The following LINGO2 variants were observed in gnomAD, a reference collection of about 807,000 sequenced individuals.
LINGO2 encodes the protein leucine-rich repeat and immunoglobulin-like domain-containing nogo receptor-interacting protein 2.
In LINGO2, 14 loss-of-function variants were observed where a neutral mutation model predicts 30.6. The observed-to-expected ratio is 0.46, with a 90% CI of 0.30 to 0.72. LINGO2 has a LOEUF of 0.72. Ranked by LOEUF, LINGO2 falls within the 30% of genes least tolerant of loss-of-function variation. The pLI is 0.07. For missense variants in LINGO2, 729 were observed against 751.7 expected (o/e 0.97, Z 0.35); for synonymous variants, 317 against 288.5 (o/e 1.10, Z -1.00).
At chr9:29,072,806 T>C in the LINGO2 span, among the ~76,000 whole-genome samples, 1 of 151,872 alleles carries the variant, frequency 6.6e-6, no homozygotes, top group Non-Finnish European at 1.5e-5. Context: ...ATAGAGCTTT[T>C]GAAATGTCGC....
chr9:29,134,818 T>C, the LINGO2 span, among the ~76,000 whole-genome samples: 3 of 152,056 alleles, frequency 2.0e-5, no homozygotes, highest in African/African-American at 7.2e-5. Context: ...AATTCATATA[T>C]ATATCCTTGA....
chr9:28,011,372 C>A (rs1347810457), intron 5 of LINGO2, among the ~76,000 whole-genome samples: 4 of 152,182 alleles, frequency 2.6e-5, no homozygotes, highest in Non-Finnish European at 4.4e-5. Flanking sequence ...GTACATCATT[C>A]TGCATTAGGA....
At chr9:28,236,124 C>T (rs763670763) in intron 4 of LINGO2, among the ~76,000 whole-genome samples, 2 of 152,114 alleles carry the variant, frequency 1.3e-5, no homozygotes, top group Non-Finnish European at 2.9e-5. Context: ...CACTCCAGTA[C>T]ATCTGGCAGC....
chr9:28,486,175 C>G (rs1056012692), intron 1 of LINGO2, among the ~76,000 whole-genome samples: 3 of 152,138 alleles, frequency 2.0e-5, no homozygotes, highest in Non-Finnish European at 2.9e-5. Context: ...GTCCAGACTA[C>G]TGAGTGTTGT....
the LINGO2 span, among the ~76,000 whole-genome samples, chr9:28,884,856 CA>C: frequency 0.078 from 10,658 of 136,916 alleles, 458 homozygotes; most frequent in East Asian, 0.12. Flanking sequence ...TACATATATA[CA>C]CTATATATAC....
the LINGO2 span, among the ~76,000 whole-genome samples, chr9:28,795,287 A>T: frequency 2.0e-5 from 3 of 152,224 alleles, no homozygotes; most frequent in Non-Finnish European, 4.4e-5. Flanking sequence ...AATTGGATTC[A>T]GTTGAATTAA....
the LINGO2 span, among the ~76,000 whole-genome samples, chr9:28,815,476 T>C: frequency 6.6e-6 from 1 of 152,172 alleles, no homozygotes; most frequent in African/African-American, 2.4e-5. Context: ...TCTTTCTGGC[T>C]TCTGATTGAA....
the LINGO2 span, among the ~76,000 whole-genome samples, chr9:28,824,214 C>G: frequency 6.6e-6 from 1 of 152,090 alleles, no homozygotes; most frequent in African/African-American, 2.4e-5. Context: ...AGGGGGAGAA[C>G]TTAAGGCAAA....
chr9:28,833,802 G>A, the LINGO2 span, among the ~76,000 whole-genome samples: 951 of 152,206 alleles, frequency 6.2e-3, 10 homozygotes, highest in African/African-American at 0.022. Flanking sequence ...TAAGACAAGG[G>A]TACTGATAAG....
At chr9:28,520,410 C>T (rs12003103) in intron 1 of LINGO2, among the ~76,000 whole-genome samples, 2,382 of 152,082 alleles carry the variant, frequency 0.016, 64 homozygotes, top group African/African-American at 0.054. Flanking sequence ...CATTTAATAT[C>T]CATTTATTAC....
At chr9:28,344,734 G>C (rs1419641342) in intron 3 of LINGO2, among the ~76,000 whole-genome samples, 1 of 151,992 alleles carries the variant, frequency 6.6e-6, no homozygotes, top group African/African-American at 2.4e-5. Flanking sequence ...ATATTTGTTT[G>C]AACACAGATG....
chr9:28,684,175 CTTTTTTTTTTTTT>C, the LINGO2 span, among the ~76,000 whole-genome samples: 26 of 45,430 alleles, frequency 5.7e-4, 1 homozygote, highest in African/African-American at 7.9e-4. Context: ...AAATGTTTAT[CTTTTTTTTTTTTT>C]TTTTTTTTTT....
chr9:28,956,050 T>TAA, the LINGO2 span, among the ~76,000 whole-genome samples: 1 of 151,468 alleles, frequency 6.6e-6, no homozygotes, highest in African/African-American at 2.4e-5. Context: ...GGAAACAGGT[T>TAA]AAAAAAAAAT....
At chr9:28,058,624 A>G (rs147000680) in intron 4 of LINGO2, among the ~76,000 whole-genome samples, 2 of 152,282 alleles carry the variant, frequency 1.3e-5, no homozygotes, top group Non-Finnish European at 2.9e-5. Flanking sequence ...ACCAATGAAC[A>G]AGAAAATTAA....
chr9:28,314,025 G>A (rs74839773), intron 3 of LINGO2, among the ~76,000 whole-genome samples: 9,050 of 151,848 alleles, frequency 0.06, 337 homozygotes, highest in South Asian at 0.14. Context: ...GCTCCACCCC[G>A]CGGGGTTCCC....
chr9:28,986,838 A>C, the LINGO2 span, among the ~76,000 whole-genome samples: 5 of 152,160 alleles, frequency 3.3e-5, no homozygotes, highest in African/African-American at 1.2e-4. Context: ...TACTGAAAGT[A>C]AAAAACAGAA....
At chr9:28,092,238 C>T (rs1301997091) in intron 4 of LINGO2, among the ~76,000 whole-genome samples, 1 of 152,142 alleles carries the variant, frequency 6.6e-6, no homozygotes, top group Non-Finnish European at 1.5e-5. Flanking sequence ...TATAAAGACA[C>T]ATGCACACGT....
the LINGO2 span, among the ~76,000 whole-genome samples, chr9:28,712,773 T>C: frequency 6.6e-6 from 1 of 152,110 alleles, no homozygotes; most frequent in Admixed American, 6.6e-5. Context: ...GCAAACATTT[T>C]TGTTGCATGT....
At chr9:28,790,155 T>C in the LINGO2 span, among the ~76,000 whole-genome samples, 1 of 152,128 alleles carries the variant, frequency 6.6e-6, no homozygotes, top group Admixed American at 6.6e-5. Flanking sequence ...GCCTGGGACA[T>C]AAATCATCCC....
Sources: gnomAD v4.1 joint callset for allele counts (sites outside exome capture counted in the v4.1 genomes callset) on GRCh38, gnomAD v4.1.1 for gene constraint, MANE v1.5 for transcripts, NCBI Gene and HGNC (gene_info 2026-07-23, HGNC 2026-07-21) for gene names.